Variants in NLRP12 observed in about 807,000 individuals in gnomAD.
NLRP12 encodes the protein NACHT, LRR and PYD domains-containing protein 12.
In NLRP12, 108 loss-of-function variants were observed where a neutral mutation model predicts 91.2. The observed-to-expected ratio is 1.18, with a 90% confidence interval of 1.01 to 1.39. The LOEUF is 1.39. Ranked by LOEUF, NLRP12 falls within the 40% of genes most tolerant of loss-of-function variation. The pLI is 0.00. For synonymous variants in NLRP12, 613 were observed against 566.7 expected (o/e 1.08, Z -1.16); for missense variants, 1,530 against 1,352.7 (o/e 1.13, Z -2.06).
rs773313872 is a variant in NLRP12 at position 53,809,575 on chromosome 19, A to C, written c.2072+12T>G. ...CCTAAGCAGCCCCAGGGGATACCCC[A>C]GGGATACTTACAGCTGCACCAACAG... On this transcript the variant is annotated intron_variant, in intron 3 of 9. Coordinates refer to ENST00000324134, the MANE Select transcript of NLRP12 (RefSeq NM_144687.4). 9 of 1,549,816 alleles carry C rather than the reference A, an allele frequency of 5.8e-6. No homozygotes were observed. In the African/African-American group the frequency reaches 1.2e-4, roughly 21 times the overall value.
At position 53,795,939 on chromosome 19, in the gene NLRP12, G is replaced by A; in HGVS notation, c.3018C>T (p.Thr1006=). 1.2e-6 allele frequency: 2 copies of A among 1,614,132 alleles called. No individual in the cohort carries two copies. Among genetic ancestry groups the A allele is most frequent in the Non-Finnish European group, 1.7e-6 (2 of 1,180,014 alleles). Residue 1006 remains threonine (T), a synonymous_variant, in exon 9 of 10, where the codon ACC becomes ACT. Transcript: ENST00000324134. ...CACCTGTGTCCCCTAGGGCGTTGTT[G>A]GTCAGGTAAAGGTCGGTCAAGGTCT... ...INQTLTDLYL[T]NNALGDTGVR... is the part of the protein sequence containing the mutation.
chr19:53,801,368 G>T lies in NLRP12; in HGVS notation c.2615C>A (p.Ala872Asp). 6.2e-7 allele frequency: 1 copy of T among 1,613,842 alleles called. No homozygotes were observed. Among genetic ancestry groups the T allele is most frequent in the Non-Finnish European group, 8.5e-7 (1 of 1,179,930 alleles). The change falls in exon 7 of 10, where the codon GCC becomes GAC. Residue 872 changes from alanine (A) to aspartate (D), a missense_variant. Physicochemically the swap from Ala to Asp is moderately radical, Grantham distance 126. Coordinates refer to ENST00000324134, the MANE Select transcript of NLRP12 (RefSeq NM_144687.4). ...WLKICRLTAA[A>D]CDELASTLSV... ...GAGAGTTGAGGCCAGCTCGTCACAG[G>T]CAGCAGCAGTGAGGCGGCAGATCTT...
chr19:53,805,434 T>A lies in NLRP12; in HGVS notation c.2260A>T (p.Ile754Phe). 1 of 1,613,918 alleles carries A rather than the reference T, an allele frequency of 6.2e-7. No homozygotes were observed. Among genetic ancestry groups the A allele is most frequent in the Non-Finnish European group, 8.5e-7 (1 of 1,179,978 alleles). ...AGGTCCTCGCAGGCTGAGCTGGAGA[T>A]GCGGCACCTCTTCAGCCTGGGGTGG... ...LQNLRLKRCR[I>F]SSSACEDLSA... is the part of the protein sequence containing the mutation. Residue 754 changes from isoleucine to phenylalanine, a missense_variant, in exon 5 of 10, where the codon ATC (isoleucine) becomes TTC (phenylalanine). Transcript: ENST00000324134.
intron 3 of NLRP12, 30 bp from the exon 4 acceptor site, chr19:53,807,695 G>A: frequency 6.2e-7 from 1 of 1,612,884 alleles, no homozygotes; most frequent in Non-Finnish European, 8.5e-7. Flanking sequence ...GCCACTCTCT[G>A]GTGTTACTGG....
intron 6 of NLRP12, among the ~76,000 whole-genome samples, chr19:53,803,267 C>T (rs149115563): frequency 0.024 from 3,626 of 152,054 alleles, 92 homozygotes; most frequent in South Asian, 0.12. Flanking sequence ...CCACAACCTC[C>T]GCCTCCCAAG....
intron 1 of NLRP12, among the ~76,000 whole-genome samples, chr19:53,823,144 C>CACATATATACACATATATAT (rs1555799781): frequency 9.5e-5 from 1 of 10,472 alleles, no homozygotes; most frequent in South Asian, 1.5e-3. Flanking sequence ...CATATATATA[C>CACATATATACACATATATAT]GTGTGTGTAT....
In NLRP12 at chr19:53,813,232, T is replaced by A. The variant is rs895782755; in HGVS notation, c.370+1676A>T. Among the ~76,000 whole-genome samples, 3 of 150,386 alleles carry A rather than the reference T, an allele frequency of 2.0e-5. No homozygotes were observed. The East Asian group carries it at 5.9e-4, about 30-fold the overall frequency. ...CAGCATTCTAAACAGAAACTCCATA[T>A]CCATTAAATATTAACTCATAATTTC... On this transcript the variant is annotated intron_variant, in intron 2 of 9. Transcript: ENST00000324134.
intron 1 of NLRP12, among the ~76,000 whole-genome samples, chr19:53,822,685 G>A (rs755947498): frequency 1.3e-5 from 2 of 150,316 alleles, no homozygotes; most frequent in East Asian, 2.0e-4. Context: ...TGCAGTGAGC[G>A]GAGATTGCGC....
At position 53,809,517 on chromosome 19, in the gene NLRP12, CAAAAAAAAAAAAAA is replaced by C. The variant is rs3973672; in HGVS notation, c.2072+56_2072+69del. 90 of 695,276 alleles carry C rather than the reference CAAAAAAAAAAAAAA, an allele frequency of 1.3e-4. 4 individuals carry two copies. The South Asian group carries it at 1.3e-3, about 10-fold the overall frequency. The allele number at this position is 695,276 out of a possible 1,614,324, so 43.1% of individuals were successfully genotyped here. A position where few individuals can be genotyped will look rare whatever the true frequency, so the allele number is the denominator to read the frequency against. ...GTGTACTCCAGCCTAGGCAACAGAG[CAAAAAAAAAAAAAA>C]AAAAAAAAAACACACGAACCTAAGC... On this transcript the variant is annotated intron_variant, in intron 3 of 9. Coordinates refer to ENST00000324134, the MANE Select transcript of NLRP12 (RefSeq NM_144687.4).
In NLRP12 at chr19:53,824,158, C is replaced by A. The variant is rs1329305719; in HGVS notation, c.17G>T (p.Gly6Val). MLRTA[G>V]RDGLCRLSTY... ...GGACAGGCGACAGAGGCCGTCCCTG[C>A]CTGCGGTTCGTAGCATGGGGGTGCC... Residue 6 changes from glycine (G) to valine (V), a missense_variant, in exon 1 of 10, where the codon GGC becomes GTC. Gly to Val is a moderately radical substitution (Grantham distance 109, BLOSUM62 -3). Coordinates refer to ENST00000324134, the MANE Select transcript of NLRP12 (RefSeq NM_144687.4). 2 of 1,613,926 alleles carry A rather than the reference C, an allele frequency of 1.2e-6. No individual in the cohort carries two copies. Among genetic ancestry groups the A allele is most frequent in the Non-Finnish European group, 8.5e-7 (1 of 1,180,018 alleles).
Position 53,809,659 on chromosome 19 carries a change from C to T in NLRP12, c.2000G>A (p.Gly667Asp), listed in dbSNP as rs1394707799. The T allele has an allele frequency of 6.2e-7, 1 of 1,613,874 alleles. No homozygotes were observed. The highest frequency in any genetic ancestry group is 1.7e-5 in the Admixed American group (1 of 60,006). ...TTCCCCGTCCGCGCTGTAGGTGGCG[C>T]CATACAAGTGCAGCACCTGGGCGCT... Reference protein sequence around the residue: ...CRSAQVLHLYGATYSADGEDR... With the variant: ...CRSAQVLHLYDATYSADGEDR... The change falls in exon 3 of 10, where the codon GGC becomes GAC. Residue 667 changes from glycine (G) to aspartate (D), a missense_variant. Physicochemically the swap from Gly to Asp is moderately conservative, Grantham distance 94 (BLOSUM62 -1). Transcript: ENST00000324134.
rs188078034 is a variant in NLRP12, at chr19:53,821,593, A to G, written c.289+2293T>C. ...TGAGGCAGGAGAATGGCGTGAACCC[A>G]GGAGGTAGAGCTTGCAGTGAGCTGA... On this transcript the variant is annotated intron_variant, in intron 1 of 9. Coordinates refer to ENST00000324134, the MANE Select transcript of NLRP12 (RefSeq NM_144687.4). Among the ~76,000 whole-genome samples, 4 of 152,144 alleles carry G rather than the reference A, an allele frequency of 2.6e-5. No individual in the cohort carries two copies. The East Asian group carries it at 7.8e-4, about 30-fold the overall frequency.
In NLRP12 at chr19:53,798,340, G is replaced by T. The variant is rs104895570; in HGVS notation, c.2830C>A (p.Arg944=). Residue 944 remains arginine (R), a synonymous_variant, in exon 8 of 10, where the codon CGG becomes AGG. Coordinates refer to ENST00000324134, the MANE Select transcript of NLRP12 (RefSeq NM_144687.4). The part of the protein sequence containing the change: ...SVVLQANHNL[R]ELDLSFNDLG... ...TCGTTGAAACTCAAGTCCAGCTCCC[G>T]GAGGTTGTGGTTGGCCTGGAGCACC... 4.1e-3 allele frequency: 6,539 copies of T among 1,614,144 alleles called. 28 individuals are homozygous for T. The highest frequency in any genetic ancestry group is 4.6e-3 in the Non-Finnish European group (5,456 of 1,180,022).
In NLRP12 at chr19:53,810,358, A is replaced by G; in HGVS notation, c.1301T>C (p.Val434Ala). ...LRQTSRTTTA[V>A]YMLYLLSLMQ... ...CAGACTCAGCAGGTAGAGCATGTAC[A>G]CTGCAGTGGTGGTCCTGGACGTCTG... The change falls in exon 3 of 10, where the codon GTG (valine) becomes GCG (alanine). Residue 434 changes from valine to alanine, a missense_variant. Transcript: ENST00000324134. The G allele has an allele frequency of 1.2e-6, 2 of 1,613,548 alleles. No homozygotes were observed. Among genetic ancestry groups the G allele is most frequent in the Non-Finnish European group, 8.5e-7 (1 of 1,179,988 alleles).
At chr19:53,796,965 G>A (rs2091775215) in intron 8 of NLRP12, among the ~76,000 whole-genome samples, 1 of 148,416 alleles carries the variant, frequency 6.7e-6, no homozygotes. Context: ...GCACTCCAGG[G>A]TGACAGGGAG....
rs1012661821 is a variant in NLRP12 at position 53,803,369 on chromosome 19, G to A, written c.2585+583C>T. 5.9e-5 allele frequency among the ~76,000 whole-genome samples: 9 copies of A among 151,714 alleles called. No individual in the cohort carries two copies. The Admixed American group carries it at 5.9e-4, about 10-fold the overall frequency. On this transcript the variant is annotated intron_variant, in intron 6 of 9. Transcript: ENST00000324134. ...GCTAATTTTGTATTTTAGTAGAGAC[G>A]GGGCTTCTCCATGTTGGTCAGGCTG...
chr19:53,799,290 A>G (rs1391339818), intron 7 of NLRP12, among the ~76,000 whole-genome samples: 1 of 151,772 alleles, frequency 6.6e-6, no homozygotes, highest in Non-Finnish European at 1.5e-5. Flanking sequence ...GTTTACAGGC[A>G]TGAGCCACCG....
chr19:53,803,164 C>T (rs1014711922), intron 6 of NLRP12, among the ~76,000 whole-genome samples: 12 of 151,934 alleles, frequency 7.9e-5, no homozygotes, highest in Admixed American at 5.3e-4. Context: ...GGGAAATCAT[C>T]ACTGCTATCC....
At position 53,807,578 on chromosome 19, in the gene NLRP12, CAG is replaced by C. The variant is rs1375927135; in HGVS notation, c.2158_2159del (p.Leu720ValfsTer50). The C allele has an allele frequency of 5.6e-6, 9 of 1,614,118 alleles. No individual in the cohort carries two copies. The highest frequency in any genetic ancestry group is 7.6e-6 in the Non-Finnish European group (9 of 1,180,016). On this transcript the variant is annotated frameshift_variant, in exon 4 of 10. Coordinates refer to ENST00000324134, the MANE Select transcript of NLRP12 (RefSeq NM_144687.4). LOFTEE classifies it high-confidence loss of function. ...CTNPNLIELS[L>X]YRNALGSRGV... is the part of the protein sequence containing the mutation. ...CCCGGCTGCCCAGGGCATTTCGGTA[CAG>C]AGACAGCTCTATCAGGTTTGGATTG...
Sources: gnomAD v4.1 joint callset for allele counts (sites outside exome capture counted in the v4.1 genomes callset) on GRCh38, gnomAD v4.1.1 for gene constraint, MANE v1.5 for transcripts, NCBI Gene and HGNC (gene_info 2026-07-23, HGNC 2026-07-21) for gene names.